The following SIGLEC14 variants were observed in gnomAD, a reference collection of about 807,000 sequenced individuals.
SIGLEC14 encodes sialic acid binding Ig like lectin 14.
In SIGLEC14, 11 loss-of-function variants were observed where a neutral mutation model predicts 34.2. That is an observed-to-expected ratio of 0.32 (90% confidence interval 0.20 to 0.53). The LOEUF is 0.53. SIGLEC14 is among the 20% of genes least tolerant of loss of function. The probability of loss-of-function intolerance (pLI) is 0.95; values close to 1 mark genes in which losing one functional copy is unlikely to be tolerated. For missense variants in SIGLEC14, 264 were observed against 439.0 expected (o/e 0.60, Z 3.56); for synonymous variants, 99 against 179.7 (o/e 0.55, Z 3.59).
At position 51,639,779 on chromosome 19, in the gene SIGLEC14, C is replaced by T. The variant is rs974384085; in HGVS notation, c.*3576G>A. 4 of 139,152 alleles carry T rather than the reference C, an allele frequency of 2.9e-5. 2 individuals are homozygous for T. The highest frequency in any genetic ancestry group is 5.5e-5 in the African/African-American group (2 of 36,634). 8.6% of individuals were successfully genotyped at this position (139,152 alleles called of 1,614,324 possible). ...AACATATAAATTTTGGGAAGACACA[C>T]ATTTCTATTATAGCATAAATAAAGT... On this transcript the variant is annotated 3_prime_UTR_variant, in exon 7 of 7. Coordinates refer to ENST00000360844, the MANE Select transcript of SIGLEC14 (RefSeq NM_001098612.3).
intron 6 of SIGLEC14, 54 bp downstream of exon 6, chr19:51,643,483 G>GGGGGGCCCCCCCCCCC: frequency 2.3e-6 from 3 of 1,297,860 alleles, no homozygotes; most frequent in East Asian, 5.4e-5. Context: ...GGGCAGGACA[G>GGGGGGCCCCCCCCCCC]CTCAGCCCCA....
rs745658502 is a variant in SIGLEC14 at position 51,646,726 on chromosome 19, C to T, written c.34G>A (p.Gly12Arg). The change falls in exon 1 of 7, where the codon GGG (glycine) becomes AGG (arginine). Residue 12 changes from glycine (G) to arginine (R), a missense_variant. Physicochemically the swap from Gly to Arg is moderately radical, Grantham distance 125. Transcript: ENST00000360844. The part of the protein sequence containing the change: ...LPLLLLPLLW[G>R]GSLQEKPVYE... ...CCTCCTCCCTCAGCTCACTCACCCC[C>T]CCACAGCAGGGGCAGCAGCAGCAGG... 2 of 632,740 alleles carry T rather than the reference C, an allele frequency of 3.2e-6. No individual in the cohort carries two copies. The highest frequency in any genetic ancestry group is 3.4e-5 in the Admixed American group (1 of 29,362). 39.2% of individuals were successfully genotyped at this position (632,740 alleles called of 1,614,324 possible).
chr19:51,643,483 G>GGGGGGGGCCCCCCCCCCCCC, intron 6 of SIGLEC14, 54 bp downstream of exon 6: 2 of 1,297,886 alleles, frequency 1.5e-6, no homozygotes, highest in African/African-American at 1.8e-5. Context: ...GGGCAGGACA[G>GGGGGGGGCCCCCCCCCCCCC]CTCAGCCCCA....
In SIGLEC14 at chr19:51,645,590, G is replaced by T. The variant is rs78171444; in HGVS notation, c.701-60C>A. 8 of 1,486,302 alleles carry T rather than the reference G, an allele frequency of 5.4e-6. 1 individual carries two copies. Among genetic ancestry groups the T allele is most frequent in the Non-Finnish European group, 7.3e-6 (8 of 1,100,732 alleles). 92.1% of individuals were successfully genotyped at this position (1,486,302 alleles called of 1,614,324 possible). On this transcript the variant is annotated intron_variant, in intron 3 of 6. Coordinates refer to ENST00000360844, the MANE Select transcript of SIGLEC14 (RefSeq NM_001098612.3). ...TGACAAGAGGGATGGGCGTGGTCCC[G>T]GGAGGGACCCAAGGAGGGGCCACAG... is the stretch of plus-strand genomic sequence containing the variant.
At chr19:51,645,569 A>C in intron 3 of SIGLEC14, 39 bp from the exon 4 acceptor site, 1 of 1,516,412 alleles carries the variant, frequency 6.6e-7, no homozygotes, top group Non-Finnish European at 8.9e-7. Context: ...CAGAGGTGAC[A>C]AGAGGGATGG....
chr19:51,645,666 C>A lies in SIGLEC14; in HGVS notation c.700+116G>T. 6.9e-6 allele frequency: 10 copies of A among 1,445,844 alleles called. 1 individual carries two copies. In the South Asian group the frequency reaches 1.3e-4, roughly 19 times the overall value. 89.6% of individuals were successfully genotyped at this position (1,445,844 alleles called of 1,614,324 possible). ...CCTTCCTGCCCACACACGAGTTTTC[C>A]CTGGTTATCATTCTCTTTCTCTCTC... On this transcript the variant is annotated intron_variant, in intron 3 of 6. Coordinates refer to ENST00000360844, the MANE Select transcript of SIGLEC14 (RefSeq NM_001098612.3).
rs555550846 is a variant in SIGLEC14 at position 51,639,576 on chromosome 19, G to A, written c.*3779C>T. ...ATTCAGTGTCTGGAGAGAATTATTT[G>A]CTTCCCAGATAGTATCTTTTCGTGG... is the stretch of plus-strand genomic sequence containing the variant. On this transcript the variant is annotated 3_prime_UTR_variant, in exon 7 of 7. Transcript: ENST00000360844. 1.4e-4 allele frequency: 19 copies of A among 139,562 alleles called. 1 individual carries two copies. In the Middle Eastern group the frequency reaches 0.011, roughly 78 times the overall value. 8.6% of individuals were successfully genotyped at this position (139,562 alleles called of 1,614,324 possible).
At position 51,641,781 on chromosome 19, in the gene SIGLEC14, G is replaced by A. The variant is rs922970304; in HGVS notation, c.*1574C>T. 7.2e-6 allele frequency among the ~76,000 whole-genome samples: 1 copy of A among 138,820 alleles called. No individual in the cohort carries two copies. The highest frequency in any genetic ancestry group is 2.7e-5 in the African/African-American group (1 of 36,460). 91.1% of individuals were successfully genotyped at this position (138,820 alleles called of 152,430 possible). On this transcript the variant is annotated 3_prime_UTR_variant, in exon 7 of 7. Transcript: ENST00000360844. ...ACATAGAGGTGAGCAACACACACTG[G>A]GGCCTTTCAAAGGGTGGAAGGTGGG... is the stretch of plus-strand genomic sequence containing the variant.
Position 51,641,304 on chromosome 19 carries a change from A to T in SIGLEC14, c.*2051T>A, listed in dbSNP as rs1983900362. The stretch of plus-strand genomic sequence containing the variant: ...TCACCAAGATAGACCAGTGTCATCA[A>T]GCAAACTTAACCAATATAAAAGACT... On this transcript the variant is annotated 3_prime_UTR_variant, in exon 7 of 7. Transcript: ENST00000360844. Among the ~76,000 whole-genome samples the T allele has an allele frequency of 7.2e-6, 1 of 139,580 alleles. No homozygotes were observed. The highest frequency in any genetic ancestry group is 6.9e-5 in the Admixed American group (1 of 14,478). The allele number at this position is 139,580 out of a possible 152,430, so 91.6% of individuals were successfully genotyped here. A position where few individuals can be genotyped will look rare whatever the true frequency, so the allele number is the denominator to read the frequency against.
rs182342985 is a variant in SIGLEC14, at chr19:51,642,272, G to A, written c.*1083C>T. Among the ~76,000 whole-genome samples, 9 of 139,236 alleles carry A rather than the reference G, an allele frequency of 6.5e-5. 3 individuals carry two copies. Among genetic ancestry groups the A allele is most frequent in the African/African-American group, 2.4e-4 (9 of 36,778 alleles). 91.3% of individuals were successfully genotyped at this position (139,236 alleles called of 152,430 possible). On this transcript the variant is annotated 3_prime_UTR_variant, in exon 7 of 7. Transcript: ENST00000360844. Reference sequence around the variant, plus strand: ...AAAACTGAGAATGAGCTATTGATACGTGTAACAACGTGGATAAACTGGGAA... The same window carrying A: ...AAAACTGAGAATGAGCTATTGATACATGTAACAACGTGGATAAACTGGGAA...
At position 51,642,045 on chromosome 19, in the gene SIGLEC14, C is replaced by T. The variant is rs1380871940; in HGVS notation, c.*1310G>A. ...AAAAAACCAGTAAAATCTGCAATCACTTAGAAATTAAACAACACACTTCTA... is the reference window on the plus strand; with the variant it reads ...AAAAAACCAGTAAAATCTGCAATCATTTAGAAATTAAACAACACACTTCTA... On this transcript the variant is annotated 3_prime_UTR_variant, in exon 7 of 7. Transcript: ENST00000360844. Among the ~76,000 whole-genome samples, 1 of 139,350 alleles carries T rather than the reference C, an allele frequency of 7.2e-6. No individual in the cohort carries two copies. Among genetic ancestry groups the T allele is most frequent in the Admixed American group, 6.9e-5 (1 of 14,424 alleles). 91.4% of individuals were successfully genotyped at this position (139,350 alleles called of 152,430 possible).
chr19:51,646,135 C>T lies in SIGLEC14; in HGVS notation c.422-75G>A, dbSNP rs1984036910. 3 of 793,962 alleles carry T rather than the reference C, an allele frequency of 3.8e-6. No homozygotes were observed. In the Admixed American group the frequency reaches 9.0e-5, roughly 24 times the overall value. The allele number at this position is 793,962 out of a possible 1,614,324, so 49.2% of individuals were successfully genotyped here. A position where few individuals can be genotyped will look rare whatever the true frequency, so the allele number is the denominator to read the frequency against. The stretch of plus-strand genomic sequence containing the variant: ...AGGTGTGACCCCGAGAGTGGCCAGG[C>T]CTCAGGCCCCGACCTGCCCCAAGTC... On this transcript the variant is annotated intron_variant, in intron 2 of 6. Transcript: ENST00000360844.
rs181482935 is a variant in SIGLEC14 at position 51,640,984 on chromosome 19, A to T, written c.*2371T>A. Among the ~76,000 whole-genome samples, 693 of 138,836 alleles carry T rather than the reference A, an allele frequency of 5.0e-3. 120 individuals carry two copies. Among genetic ancestry groups the T allele is most frequent in the African/African-American group, 0.018 (658 of 36,616 alleles). The allele number at this position is 138,836 out of a possible 152,430, so 91.1% of individuals were successfully genotyped here. ...GAGCGAAACTCTGTCTCAAAAAAAAATTTTTTTTAAGTTGATTCTTTAAGA... is the reference window on the plus strand; with the variant it reads ...GAGCGAAACTCTGTCTCAAAAAAAATTTTTTTTTAAGTTGATTCTTTAAGA... On this transcript the variant is annotated 3_prime_UTR_variant, in exon 7 of 7. Transcript: ENST00000360844.
Position 51,643,474 on chromosome 19 carries a change from G to C in SIGLEC14, c.1148+63C>G, listed in dbSNP as rs532160744. The C allele has an allele frequency of 9.9e-4, 1,362 of 1,370,066 alleles. 158 individuals carry two copies. The highest frequency in any genetic ancestry group is 5.0e-3 in the Middle Eastern group (19 of 3,768). The allele number at this position is 1,370,066 out of a possible 1,614,324, so 84.9% of individuals were successfully genotyped here. ...TCCAGGTGGGGCTGAGCTGTCCTGG[G>C]GCAGGACAGCTCAGCCCCACCTGGA... On this transcript the variant is annotated intron_variant, in intron 6 of 6. Coordinates refer to ENST00000360844, the MANE Select transcript of SIGLEC14 (RefSeq NM_001098612.3).
At position 51,641,711 on chromosome 19, in the gene SIGLEC14, T is replaced by C. The variant is rs1303953532; in HGVS notation, c.*1644A>G. Among the ~76,000 whole-genome samples the C allele has an allele frequency of 7.2e-6, 1 of 139,470 alleles. No individual in the cohort carries two copies. Among genetic ancestry groups the C allele is most frequent in the Non-Finnish European group, 1.5e-5 (1 of 65,080 alleles). The allele number at this position is 139,470 out of a possible 152,430, so 91.5% of individuals were successfully genotyped here. On this transcript the variant is annotated 3_prime_UTR_variant, in exon 7 of 7. Coordinates refer to ENST00000360844, the MANE Select transcript of SIGLEC14 (RefSeq NM_001098612.3). ...CAAGAAGAGAAAACCAAATACCACA[T>C]GTTCTCACTTGTAAGTGGGAGCTAA...
At position 51,644,597 on chromosome 19, in the gene SIGLEC14, C is replaced by T. The variant is rs746415916; in HGVS notation, c.755-561G>A. Among the ~76,000 whole-genome samples, 11 of 136,460 alleles carry T rather than the reference C, an allele frequency of 8.1e-5. 1 individual carries two copies. Among genetic ancestry groups the T allele is most frequent in the African/African-American group, 1.1e-4 (4 of 35,520 alleles). The allele number at this position is 136,460 out of a possible 152,430, so 89.5% of individuals were successfully genotyped here. On this transcript the variant is annotated intron_variant, in intron 4 of 6. Transcript: ENST00000360844. Reference sequence around the variant, plus strand: ...TGGGGCAATGGGCCAGGGTTGAGCACGAGACTTGAGCTGGGCCTGGAACCA... The same window carrying T: ...TGGGGCAATGGGCCAGGGTTGAGCATGAGACTTGAGCTGGGCCTGGAACCA...
In SIGLEC14 at chr19:51,644,883, G is replaced by A. The variant is rs1983998341; in HGVS notation, c.754+594C>T. Among the ~76,000 whole-genome samples the A allele has an allele frequency of 2.2e-5, 3 of 137,268 alleles. 1 individual carries two copies. The East Asian group carries it at 1.0e-3, about 47-fold the overall frequency. 90.1% of individuals were successfully genotyped at this position (137,268 alleles called of 152,430 possible). On this transcript the variant is annotated intron_variant, in intron 4 of 6. Transcript: ENST00000360844. ...GATCGGATTACTCAGGAATGTGGAGGGGAAGAACTGGGTTCTGGGACAGAG... is the reference window on the plus strand; with the variant it reads ...GATCGGATTACTCAGGAATGTGGAGAGGAAGAACTGGGTTCTGGGACAGAG...
Position 51,643,115 on chromosome 19 carries a change from G to T in SIGLEC14, c.*240C>A. 4.3e-6 allele frequency: 2 copies of T among 467,678 alleles called. No homozygotes were observed. Among genetic ancestry groups the T allele is most frequent in the Non-Finnish European group, 3.7e-6 (1 of 269,280 alleles). The allele number at this position is 467,678 out of a possible 1,614,324, so 29.0% of individuals were successfully genotyped here. On this transcript the variant is annotated 3_prime_UTR_variant, in exon 7 of 7. Transcript: ENST00000360844. ...ACATTCCCTTCACAGGGCTGGAGATGGTGGATGGAGAGGGAAGAGAAGGGC... is the reference window on the plus strand; with the variant it reads ...ACATTCCCTTCACAGGGCTGGAGATTGTGGATGGAGAGGGAAGAGAAGGGC...
In SIGLEC14 at chr19:51,643,096, C is replaced by T. The variant is rs1983942194; in HGVS notation, c.*259G>A. The T allele has an allele frequency of 1.5e-5, 6 of 411,766 alleles. No individual in the cohort carries two copies. Among genetic ancestry groups the T allele is most frequent in the Middle Eastern group, 6.3e-4 (1 of 1,600 alleles). 25.5% of individuals were successfully genotyped at this position (411,766 alleles called of 1,614,324 possible). On this transcript the variant is annotated 3_prime_UTR_variant, in exon 7 of 7. Coordinates refer to ENST00000360844, the MANE Select transcript of SIGLEC14 (RefSeq NM_001098612.3). The stretch of plus-strand genomic sequence containing the variant: ...GGGGTATAAGACCGAAAGTACATTC[C>T]CTTCACAGGGCTGGAGATGGTGGAT...
Sources: allele counts gnomAD v4.1 joint callset (sites outside exome capture counted in the v4.1 genomes callset), GRCh38; gene constraint gnomAD v4.1.1; transcripts MANE v1.5; gene names NCBI Gene and HGNC (gene_info 2026-07-23, HGNC 2026-07-21).